Variants in ITGA8 observed in about 807,000 individuals in gnomAD.
The protein encoded by ITGA8 is integrin subunit alpha 8, also known as integrin alpha-8.
ITGA8 carries 91 observed loss-of-function variants against 142.3 expected under a neutral mutation model. The observed-to-expected ratio is 0.64, with a 90% CI of 0.54 to 0.76. The LOEUF is 0.76. Among genes scored for constraint, ITGA8 ranks in the 30% least tolerant of loss-of-function variants. The probability of loss-of-function intolerance (pLI) is 0.00; values close to 1 mark genes in which losing one functional copy is unlikely to be tolerated. For synonymous variants in ITGA8, 505 were observed against 485.2 expected (o/e 1.04, Z -0.54); for missense variants, 1,406 against 1,327.7 (o/e 1.06, Z -0.92).
chr10:15,675,008 C>A (rs182029740), intron 6 of ITGA8, among the ~76,000 whole-genome samples: 77 of 151,940 alleles, frequency 5.1e-4, no homozygotes, highest in African/African-American at 1.8e-3. Flanking sequence ...GATCAAGTTT[C>A]TTCCATTAAA....
intron 2 of ITGA8, among the ~76,000 whole-genome samples, chr10:15,690,980 A>C (rs1487339090): frequency 6.6e-6 from 1 of 152,230 alleles, no homozygotes; most frequent in African/African-American, 2.4e-5. Flanking sequence ...AAAATACATA[A>C]GGAACTCAAC....
At chr10:15,560,230 G>A (rs61843020) in intron 25 of ITGA8, among the ~76,000 whole-genome samples, 42,457 of 151,914 alleles carry the variant, frequency 0.28, 6,478 homozygotes, top group Non-Finnish European at 0.34. Context: ...AGTGAGCTAC[G>A]ATCATGCCAC....
intron 6 of ITGA8, among the ~76,000 whole-genome samples, chr10:15,675,660 C>T (rs1821880623): frequency 1.3e-5 from 2 of 152,182 alleles, no homozygotes; most frequent in Admixed American, 1.3e-4. Context: ...CCTTTCAAAA[C>T]ATAATTTGAT....
At chr10:15,631,789 A>G (rs1305399105) in intron 13 of ITGA8, among the ~76,000 whole-genome samples, 1 of 142,464 alleles carries the variant, frequency 7.0e-6, no homozygotes, top group Admixed American at 7.1e-5. Context: ...TTCTAGCCCC[A>G]CCCCCCCCAA....
chr10:15,608,248 A>G lies in ITGA8; in HGVS notation c.1596T>C (p.Ile532=). Residue 532 remains isoleucine, a synonymous_variant, in exon 16 of 30, where the codon ATT becomes ATC. Transcript: ENST00000378076. ...AAACATGCTTACCTATTGTGTTTGC[A>G]ATGCTCTGGCCTGTGACAGATGCAC... is the stretch of plus-strand genomic sequence containing the variant. ...RVCASVTGQS[I]ANTIVLMAEV... 6.3e-7 allele frequency: 1 copy of G among 1,597,756 alleles called. No homozygotes were observed. The highest frequency in any genetic ancestry group is 8.5e-7 in the Non-Finnish European group (1 of 1,172,742).
chr10:15,618,505 G>C (rs1833434376), intron 13 of ITGA8, among the ~76,000 whole-genome samples: 1 of 152,180 alleles, frequency 6.6e-6, no homozygotes, highest in South Asian at 2.1e-4. Context: ...GTGTCAACTT[G>C]ATCAGACTGA....
chr10:15,517,042 C>A lies in ITGA8; in HGVS notation c.*116G>T. 1.8e-6 allele frequency: 1 copy of A among 564,220 alleles called. No homozygotes were observed. Among genetic ancestry groups the A allele is most frequent in the Non-Finnish European group, 2.8e-6 (1 of 354,344 alleles). 35.0% of individuals were successfully genotyped at this position (564,220 alleles called of 1,614,324 possible). On this transcript the variant is annotated 3_prime_UTR_variant, in exon 30 of 30. Coordinates refer to ENST00000378076, the MANE Select transcript of ITGA8 (RefSeq NM_003638.3). ...TGAGGTGATGTTTCCAGGGTCCCCT[C>A]CATTTCCTGGGTCACTGTCAGGTAT...
intron 28 of ITGA8, among the ~76,000 whole-genome samples, chr10:15,526,192 T>TG (rs532313002): frequency 6.6e-6 from 1 of 152,110 alleles, no homozygotes; most frequent in African/African-American, 2.4e-5. Flanking sequence ...TTTTTTTTTT[T>TG]TGAGACGGAG....
At chr10:15,672,514 T>G in intron 7 of ITGA8, 110 bp downstream of exon 7, 3 of 1,325,900 alleles carry the variant, frequency 2.3e-6, no homozygotes, top group African/African-American at 1.5e-5. Flanking sequence ...TAAGAGAACA[T>G]TTGTATAAGA....
chr10:15,538,380 C>T (rs61843011), intron 27 of ITGA8, among the ~76,000 whole-genome samples: 26,071 of 151,826 alleles, frequency 0.17, 2,396 homozygotes, highest in Admixed American at 0.2. Flanking sequence ...GGCATGATGG[C>T]GGGTGCCTGT....
chr10:15,630,258 A>T (rs1366986500), intron 13 of ITGA8, among the ~76,000 whole-genome samples: 3 of 152,108 alleles, frequency 2.0e-5, no homozygotes, highest in African/African-American at 7.3e-5. Context: ...ACACAGTGGC[A>T]AGTTAAAGAT....
intron 23 of ITGA8, among the ~76,000 whole-genome samples, chr10:15,583,499 A>G (rs750442921): frequency 6.6e-6 from 1 of 152,206 alleles, no homozygotes; most frequent in Non-Finnish European, 1.5e-5. Context: ...GGTACCCCAG[A>G]ACTTAAAGTA....
At position 15,515,419 on chromosome 10, in the gene ITGA8, G is replaced by T. The variant is rs1431418581; in HGVS notation, c.*1739C>A. ...TGCCTTTCATTTGCTCCTCAATGAA[G>T]TTCCGCAGCTGTAGCCAAATGGCTC... On this transcript the variant is annotated 3_prime_UTR_variant, in exon 30 of 30. Coordinates refer to ENST00000378076, the MANE Select transcript of ITGA8 (RefSeq NM_003638.3). 1 of 152,200 alleles carries T rather than the reference G, an allele frequency of 6.6e-6. No homozygotes were observed. Among genetic ancestry groups the T allele is most frequent in the Non-Finnish European group, 1.5e-5 (1 of 68,038 alleles). The allele number at this position is 152,200 out of a possible 1,614,324, so 9.4% of individuals were successfully genotyped here.
chr10:15,583,064 A>G (rs1422557873), intron 23 of ITGA8, among the ~76,000 whole-genome samples: 1 of 152,232 alleles, frequency 6.6e-6, no homozygotes, highest in Non-Finnish European at 1.5e-5. Flanking sequence ...ACAATGGAAT[A>G]CTTCTCAGCA....
chr10:15,598,160 T>C (rs1264450885), intron 20 of ITGA8, among the ~76,000 whole-genome samples: 1 of 152,156 alleles, frequency 6.6e-6, no homozygotes, highest in East Asian at 1.9e-4. Context: ...TCTAACTTGT[T>C]ATGTGCCATC....
At chr10:15,643,910 G>A in intron 13 of ITGA8, 120 bp downstream of exon 13, 1 of 788,212 alleles carries the variant, frequency 1.3e-6, no homozygotes, top group Non-Finnish European at 2.0e-6. Flanking sequence ...AAAGCCTGTG[G>A]CATGCTTAAG....
At chr10:15,631,927 G>C (rs1472109437) in intron 13 of ITGA8, among the ~76,000 whole-genome samples, 2 of 151,916 alleles carry the variant, frequency 1.3e-5, no homozygotes, top group African/African-American at 2.4e-5. Flanking sequence ...TTGGAAGGAA[G>C]TTAGTTCAAA....
At chr10:15,575,064 C>T (rs1298753517) in intron 24 of ITGA8, among the ~76,000 whole-genome samples, 1 of 152,236 alleles carries the variant, frequency 6.6e-6, no homozygotes, top group African/African-American at 2.4e-5. Flanking sequence ...GAGAGCATAA[C>T]AGCATGAACC....
chr10:15,658,840 T>C (rs557183229), intron 10 of ITGA8, among the ~76,000 whole-genome samples, 159 bp downstream of exon 10: 2 of 152,326 alleles, frequency 1.3e-5, no homozygotes, highest in African/African-American at 4.8e-5. Context: ...GGGATCTGTC[T>C]GTCTGATGCA....
Sources: gnomAD v4.1 joint callset for allele counts (sites outside exome capture counted in the v4.1 genomes callset) on GRCh38, gnomAD v4.1.1 for gene constraint, MANE v1.5 for transcripts, NCBI Gene and HGNC (gene_info 2026-07-23, HGNC 2026-07-21) for gene names.